SGTB: variants seen among roughly 807,000 people sequenced by gnomAD.
SGTB encodes the protein small glutamine-rich tetratricopeptide repeat-containing protein beta.
Under a neutral mutation model 43.9 loss-of-function variants are expected in SGTB, and 19 were observed. That is an observed-to-expected ratio of 0.43 (90% CI 0.30 to 0.63). The LOEUF (loss-of-function observed/expected upper bound fraction) is 0.63. Among genes scored for constraint, SGTB ranks in the 30% least tolerant of loss-of-function variants. The pLI is 0.12. For missense variants in SGTB, 304 were observed against 358.9 expected (o/e 0.85, Z 1.24); for synonymous variants, 116 against 117.3 (o/e 0.99, Z 0.07).
chr5:65,722,426 G>A, upstream of SGTB: 2 of 1,582,616 alleles, frequency 1.3e-6, no homozygotes, highest in Admixed American at 1.8e-5. Context: ...TACCTCCAGC[G>A]CGCGGGTTAA....
Position 65,722,063 on chromosome 5 carries a change from G to A in SGTB, c.-169C>T, listed in dbSNP as rs1160840910. On this transcript the variant is annotated 5_prime_UTR_variant, in exon 1 of 11. Transcript: ENST00000381007. ...AAACTTCCCCGGCCCCTAGGCCGTAGACCCCAGAACCCACCAGGCTGTGCT... is the reference window on the plus strand; with the variant it reads ...AAACTTCCCCGGCCCCTAGGCCGTAAACCCCAGAACCCACCAGGCTGTGCT... 6.2e-6 allele frequency: 1 copy of A among 160,150 alleles called. No individual in the cohort carries two copies. The highest frequency in any genetic ancestry group is 1.4e-5 in the Non-Finnish European group (1 of 73,832). The allele number at this position is 160,150 out of a possible 1,614,324, so 9.9% of individuals were successfully genotyped here.
intron 3 of SGTB, 98 bp downstream of exon 3, chr5:65,712,863 G>C (rs1247392843): frequency 2.8e-5 from 23 of 823,684 alleles, no homozygotes; most frequent in Admixed American, 2.2e-4. Flanking sequence ...ACAGGATGAA[G>C]TTAATTACTC....
At chr5:65,705,679 T>C (rs1757917125) in intron 4 of SGTB, among the ~76,000 whole-genome samples, 1 of 151,914 alleles carries the variant, frequency 6.6e-6, no homozygotes, top group Admixed American at 6.6e-5. Context: ...GAATCAAAAA[T>C]GAATATAAAG....
chr5:65,686,931 A>G (rs1757510859), intron 5 of SGTB, among the ~76,000 whole-genome samples: 1 of 152,214 alleles, frequency 6.6e-6, no homozygotes. Context: ...TACTACTTCT[A>G]TATCACATCC....
At chr5:65,688,270 T>C (rs1361484418) in intron 5 of SGTB, among the ~76,000 whole-genome samples, 18 of 152,150 alleles carry the variant, frequency 1.2e-4, no homozygotes, top group Admixed American at 1.2e-3. Flanking sequence ...GTCCAGGTCT[T>C]ATATCTAATT....
At chr5:65,688,745 A>C (rs769378088) in intron 5 of SGTB, among the ~76,000 whole-genome samples, 65 of 152,222 alleles carry the variant, frequency 4.3e-4, no homozygotes, top group Non-Finnish European at 8.1e-4. Context: ...GAGAACAATA[A>C]TACCATGTGG....
At chr5:65,670,390 G>A in intron 10 of SGTB, 33 bp from the exon 11 acceptor site, 1 of 1,556,404 alleles carries the variant, frequency 6.4e-7, no homozygotes, top group Non-Finnish European at 8.9e-7. Context: ...TTTGAATAGG[G>A]AATTGCCAGT....
chr5:65,707,722 C>A (rs896182446), intron 4 of SGTB, among the ~76,000 whole-genome samples: 2 of 152,134 alleles, frequency 1.3e-5, no homozygotes, highest in African/African-American at 4.8e-5. Flanking sequence ...TGTAGACCAC[C>A]GTGCCCGGCC....
chr5:65,677,201 A>T (rs1041951140), intron 8 of SGTB, among the ~76,000 whole-genome samples: 2 of 152,082 alleles, frequency 1.3e-5, no homozygotes, highest in African/African-American at 4.8e-5. Flanking sequence ...ATGCGCATAA[A>T]CTAGAAATTT....
rs259747 is a variant in SGTB at position 65,684,148 on chromosome 5, G to A, written c.479+1220C>T. On this transcript the variant is annotated intron_variant, in intron 6 of 10. Transcript: ENST00000381007. ...CACTCAGGCTGGAGTGCAGTGACACGATCACGGCTCACCACAGCCTCGACT... is the reference window on the plus strand; with the variant it reads ...CACTCAGGCTGGAGTGCAGTGACACAATCACGGCTCACCACAGCCTCGACT... Among the ~76,000 whole-genome samples the A allele has an allele frequency of 1.6e-3, 239 of 150,986 alleles. 3 individuals carry two copies. The East Asian group carries it at 0.042, about 26-fold the overall frequency.
intron 3 of SGTB, among the ~76,000 whole-genome samples, chr5:65,709,241 A>G (rs987231079): frequency 1.1e-4 from 17 of 152,148 alleles, no homozygotes; most frequent in Admixed American, 3.3e-4. Flanking sequence ...GATATACCCT[A>G]CTAAGTCAAA....
chr5:65,685,224 G>A (rs767820621), intron 6 of SGTB, 144 bp downstream of exon 6: 14 of 638,200 alleles, frequency 2.2e-5, no homozygotes, highest in Non-Finnish European at 3.0e-5. Context: ...CAAAGAAATT[G>A]TAGTCATTTC....
intron 6 of SGTB, among the ~76,000 whole-genome samples, chr5:65,682,365 G>T (rs1757413572): frequency 6.6e-6 from 1 of 152,186 alleles, no homozygotes; most frequent in Admixed American, 6.5e-5. Flanking sequence ...GGAGTCACAT[G>T]ATACAATTTG....
intron 2 of SGTB, among the ~76,000 whole-genome samples, chr5:65,715,381 C>G (rs537893402): frequency 5.4e-4 from 82 of 152,300 alleles, no homozygotes; most frequent in African/African-American, 2.0e-3. Flanking sequence ...CACATCCTAT[C>G]TGTATAACAC....
At chr5:65,696,212 G>A (rs906166426) in intron 5 of SGTB, among the ~76,000 whole-genome samples, 1 of 152,056 alleles carries the variant, frequency 6.6e-6, no homozygotes, top group Admixed American at 6.6e-5. Flanking sequence ...CTTCAAATCC[G>A]ACTCCAGTTC....
intron 4 of SGTB, 72 bp downstream of exon 4, chr5:65,708,417 A>G (rs531800636): frequency 1.4e-5 from 18 of 1,310,844 alleles, no homozygotes; most frequent in Admixed American, 9.1e-5. Context: ...TCAGAACTAT[A>G]TCAATTGACA....
At chr5:65,678,758 A>AT (rs1757330130) in intron 8 of SGTB, among the ~76,000 whole-genome samples, 1 of 152,228 alleles carries the variant, frequency 6.6e-6, no homozygotes, top group Non-Finnish European at 1.5e-5. Context: ...TCCCTATTTA[A>AT]TAAGTGTTGC....
intron 2 of SGTB, among the ~76,000 whole-genome samples, chr5:65,716,329 A>G (rs1758149303): frequency 6.6e-6 from 1 of 152,238 alleles, no homozygotes; most frequent in African/African-American, 2.4e-5. Flanking sequence ...GATCCTTTAA[A>G]CAATGTTTTG....
At chr5:65,684,866 T>C (rs115468672) in intron 6 of SGTB, among the ~76,000 whole-genome samples, 2,106 of 152,252 alleles carry the variant, frequency 0.014, 54 homozygotes, top group African/African-American at 0.048. Flanking sequence ...ATGCTTCCAT[T>C]TTAACAAGAA....
Sources: gnomAD v4.1 joint callset for allele counts (sites outside exome capture counted in the v4.1 genomes callset) on GRCh38, gnomAD v4.1.1 for gene constraint, MANE v1.5 for transcripts, NCBI Gene and HGNC (gene_info 2026-07-23, HGNC 2026-07-21) for gene names.